Variants in UST observed in about 807,000 individuals in gnomAD.
The protein encoded by UST is chondroitin sulfate 2-O-sulfotransferase.
Under a neutral mutation model 45.6 loss-of-function variants are expected in UST, and 21 were observed. The ratio of observed to expected loss-of-function variants is 0.46; its 90% CI spans 0.33 to 0.66. The LOEUF is 0.66. UST is among the 30% of genes least tolerant of loss of function. UST has a pLI of 0.02. For synonymous variants in UST, 215 were observed against 200.6 expected, an observed-to-expected ratio of 1.07 and a Z score of -0.61; for missense variants, 463 against 512.4, an observed-to-expected ratio of 0.90 and a Z score of 0.93.
At chr6:149,004,228 G>A (rs1335681309) in intron 5 of UST, among the ~76,000 whole-genome samples, 4 of 152,166 alleles carry the variant, frequency 2.6e-5, no homozygotes, top group Non-Finnish European at 4.4e-5. Flanking sequence ...TTCTTTGAAG[G>A]TAAAGTGGGC....
intron 1 of UST, among the ~76,000 whole-genome samples, chr6:148,823,343 A>G (rs554307096): frequency 2.6e-5 from 4 of 152,356 alleles, no homozygotes; most frequent in African/African-American, 9.6e-5. Context: ...ATAGTTACCT[A>G]TAAATTAATC....
chr6:148,833,488 A>T (rs185892276), intron 1 of UST, among the ~76,000 whole-genome samples: 1 of 152,334 alleles, frequency 6.6e-6, no homozygotes. Flanking sequence ...CCCTATCTGA[A>T]AAAACAAAAA....
intron 1 of UST, among the ~76,000 whole-genome samples, chr6:148,779,872 C>T (rs1303246018): frequency 6.6e-6 from 1 of 152,054 alleles, no homozygotes; most frequent in East Asian, 1.9e-4. Context: ...TTTTTTCCCC[C>T]TCCTGTTAGC....
At chr6:148,807,067 G>A (rs1777164794) in intron 1 of UST, among the ~76,000 whole-genome samples, 1 of 152,204 alleles carries the variant, frequency 6.6e-6, no homozygotes, top group Non-Finnish European at 1.5e-5. Context: ...TGTATTGAAA[G>A]TAGCTAAGTA....
intron 1 of UST, among the ~76,000 whole-genome samples, chr6:148,796,970 G>GT (rs746689547): frequency 2.6e-5 from 4 of 151,756 alleles, no homozygotes; most frequent in Non-Finnish European, 4.4e-5. Flanking sequence ...GTCCGGCTAT[G>GT]TTTTGTATTT....
chr6:148,816,895 C>T lies in UST; in HGVS notation c.247+69218C>T, dbSNP rs1777366318. Among the ~76,000 whole-genome samples, 4 of 152,098 alleles carry T rather than the reference C, an allele frequency of 2.6e-5. 1 individual carries two copies. In the South Asian group the frequency reaches 8.3e-4, roughly 31 times the overall value. On this transcript the variant is annotated intron_variant, in intron 1 of 7. Transcript: ENST00000367463. ...TTCTATTTGGATAATAGAGTTGCCA[C>T]AAACCATTACCCCCAACAGATGCAG...
Position 148,747,300 on chromosome 6 carries a change from C to T in UST, c.-131C>T. The T allele has an allele frequency of 8.5e-7, 1 of 1,178,372 alleles. No individual in the cohort carries two copies. The highest frequency in any genetic ancestry group is 1.1e-6 in the Non-Finnish European group (1 of 914,312). The allele number at this position is 1,178,372 out of a possible 1,614,324, so 73.0% of individuals were successfully genotyped here. A position where few individuals can be genotyped will look rare whatever the true frequency, so the allele number is the denominator to read the frequency against. Reference sequence around the variant, plus strand: ...CCTGAGCCCGGCAACTTCGGCCCCTCCCCGCCCCCACCCGGCTGCCCTCCG... The same window carrying T: ...CCTGAGCCCGGCAACTTCGGCCCCTTCCCGCCCCCACCCGGCTGCCCTCCG... On this transcript the variant is annotated 5_prime_UTR_variant, in exon 1 of 8. Coordinates refer to ENST00000367463, the MANE Select transcript of UST (RefSeq NM_005715.3).
chr6:148,918,758 C>T (rs752393048), intron 2 of UST, among the ~76,000 whole-genome samples: 1 of 152,110 alleles, frequency 6.6e-6, no homozygotes, highest in African/African-American at 2.4e-5. Context: ...GTCCTAGCAC[C>T]GTGCTAGGTC....
At position 149,074,630 on chromosome 6, in the gene UST, G is replaced by A. The variant is rs114163755; in HGVS notation, c.*514G>A. 0.035 allele frequency: 5,505 copies of A among 159,374 alleles called. 350 individuals carry two copies. The highest frequency in any genetic ancestry group is 0.13 in the African/African-American group (5,207 of 41,560). The allele number at this position is 159,374 out of a possible 1,614,324, so 9.9% of individuals were successfully genotyped here. A position where few individuals can be genotyped will look rare whatever the true frequency, so the allele number is the denominator to read the frequency against. ...GTGCCATGGCTTGAGCCTATAATCC[G>A]AGGCTGAGGTGGGAGGATCACTTGA... On this transcript the variant is annotated 3_prime_UTR_variant, in exon 8 of 8. Transcript: ENST00000367463.
Position 148,790,171 on chromosome 6 carries a change from G to A in UST, c.247+42494G>A, listed in dbSNP as rs550223495. On this transcript the variant is annotated intron_variant, in intron 1 of 7. Transcript: ENST00000367463. The surrounding 1 kb of genome is among the most constrained non-coding windows in gnomAD (Gnocchi z 4.2). ...CGTTCCCTGACAGTGTTCATGTAGC[G>A]TCTCCTCCTAAGGCGGCAGCCTCGC... Among the ~76,000 whole-genome samples, 270 of 152,160 alleles carry A rather than the reference G, an allele frequency of 1.8e-3. No individual in the cohort carries two copies. Among genetic ancestry groups the A allele is most frequent in the Non-Finnish European group, 1.9e-3 (132 of 67,992 alleles).
At chr6:148,800,491 G>A (rs62426074) in intron 1 of UST, among the ~76,000 whole-genome samples, 14,190 of 152,172 alleles carry the variant, frequency 0.093, 941 homozygotes, top group Non-Finnish European at 0.14. Context: ...CTTTGAGTTT[G>A]AGTTGGAAAG....
chr6:148,874,965 C>T (rs1410334814), intron 1 of UST, among the ~76,000 whole-genome samples: 2 of 152,216 alleles, frequency 1.3e-5, no homozygotes, highest in East Asian at 3.8e-4. Flanking sequence ...GGCCTGGACT[C>T]CCGGGGCGAC....
chr6:149,047,593 A>G (rs752604346), intron 7 of UST, among the ~76,000 whole-genome samples: 9 of 152,202 alleles, frequency 5.9e-5, no homozygotes, highest in Admixed American at 3.3e-4. Flanking sequence ...TTTTTCATTA[A>G]CAGTTCAAGC....
intron 1 of UST, among the ~76,000 whole-genome samples, chr6:148,852,987 A>C (rs1778134332): frequency 6.6e-6 from 1 of 152,174 alleles, no homozygotes; most frequent in African/African-American, 2.4e-5. Flanking sequence ...TCTGGGGTAC[A>C]TGTGCAGGAC....
At chr6:148,896,856 C>T (rs181167836) in intron 2 of UST, among the ~76,000 whole-genome samples, 14 of 152,246 alleles carry the variant, frequency 9.2e-5, no homozygotes, top group South Asian at 2.1e-4. Context: ...ATCCTAGCTA[C>T]GTCACTAGTT....
In UST at chr6:148,830,640, G is replaced by A. The variant is rs190346535; in HGVS notation, c.248-56346G>A. ...CTAGGAAGAGCATTACTTGGGGACT[G>A]TCAAGTAAAAACATTTTTAAAAATT... On this transcript the variant is annotated intron_variant, in intron 1 of 7. Transcript: ENST00000367463. Among the ~76,000 whole-genome samples, 18 of 152,344 alleles carry A rather than the reference G, an allele frequency of 1.2e-4. No homozygotes were observed. In the East Asian group the frequency reaches 3.5e-3, roughly 29 times the overall value.
intron 2 of UST, among the ~76,000 whole-genome samples, chr6:148,936,664 A>C (rs1471430099): frequency 6.7e-6 from 1 of 148,238 alleles, no homozygotes; most frequent in East Asian, 2.0e-4. Flanking sequence ...GCAGACCTTC[A>C]GAAACAAATC....
At chr6:148,764,888 A>G (rs1298078792) in intron 1 of UST, among the ~76,000 whole-genome samples, 2 of 152,154 alleles carry the variant, frequency 1.3e-5, no homozygotes, top group Admixed American at 6.5e-5. Context: ...GAATTTCCTA[A>G]TCCTAGCAAG....
At chr6:148,880,523 T>C (rs1300115933) in intron 1 of UST, among the ~76,000 whole-genome samples, 3 of 152,234 alleles carry the variant, frequency 2.0e-5, no homozygotes, top group Admixed American at 1.3e-4. Context: ...ACTCAGGTAG[T>C]ACATACAAAG....
Sources: allele counts gnomAD v4.1 joint callset (sites outside exome capture counted in the v4.1 genomes callset), GRCh38; gene constraint gnomAD v4.1.1; non-coding constraint Gnocchi (gnomAD v3.1); transcripts MANE v1.5; gene names NCBI Gene and HGNC (gene_info 2026-07-23, HGNC 2026-07-21).